The following STXBP5 variants were observed in gnomAD, a reference collection of about 807,000 sequenced individuals.
The protein encoded by STXBP5 is syntaxin-binding protein 5.
A neutral mutation model predicts 152.4 loss-of-function variants in STXBP5; 50 were observed. The observed-to-expected ratio is 0.33, with a 90% CI of 0.26 to 0.42. The LOEUF is 0.42. Among genes scored for constraint, STXBP5 ranks in the 10% least tolerant of loss-of-function variants. The pLI, the probability that STXBP5 is intolerant of heterozygous loss-of-function variation, is 1.00. For missense variants in STXBP5, 1,167 were observed against 1,388.6 expected (o/e 0.84, Z 2.54); for synonymous variants, 492 against 494.7 (o/e 0.99, Z 0.07).
chr6:147,359,353 A>C, intron 23 of STXBP5, 30 bp downstream of exon 23: 2 of 1,592,330 alleles, frequency 1.3e-6, no homozygotes. Context: ...TTAGAGTTAC[A>C]TTACAGGTGT....
At chr6:147,378,303 A>T (rs1785909374) in intron 26 of STXBP5, among the ~76,000 whole-genome samples, 1 of 152,028 alleles carries the variant, frequency 6.6e-6, no homozygotes, top group Non-Finnish European at 1.5e-5. Flanking sequence ...TCATTTATAG[A>T]TAGAAAATCT....
At chr6:147,316,674 C>T (rs775433036) in intron 16 of STXBP5, among the ~76,000 whole-genome samples, 1 of 152,134 alleles carries the variant, frequency 6.6e-6, no homozygotes, top group Admixed American at 6.5e-5. Flanking sequence ...CTGTATATAT[C>T]GCTCAGTCTT....
intron 26 of STXBP5, among the ~76,000 whole-genome samples, chr6:147,377,924 GA>G (rs999859639): frequency 4.0e-5 from 6 of 151,086 alleles, no homozygotes; most frequent in African/African-American, 1.2e-4. Context: ...ATTAGGAATG[GA>G]AAAAAAAGGA....
intron 11 of STXBP5, 22 bp from the exon 12 acceptor site, chr6:147,313,862 T>C (rs548212687): frequency 1.6e-4 from 238 of 1,447,396 alleles, no homozygotes; most frequent in Admixed American, 3.2e-4. Context: ...TAATAAATAC[T>C]TTTCTTTTTC....
intron 7 of STXBP5, among the ~76,000 whole-genome samples, chr6:147,274,172 G>A (rs1173102632): frequency 1.3e-5 from 2 of 151,742 alleles, no homozygotes; most frequent in African/African-American, 4.8e-5. Flanking sequence ...CTTTCCCAAA[G>A]GTAAAACAGT....
chr6:147,277,716 C>G (rs534926080), intron 7 of STXBP5, among the ~76,000 whole-genome samples: 1 of 152,178 alleles, frequency 6.6e-6, no homozygotes, highest in East Asian at 1.9e-4. Context: ...GTCATTGCAA[C>G]TAGTTTTTCT....
chr6:147,333,874 A>G (rs1191222323), intron 18 of STXBP5, among the ~76,000 whole-genome samples: 1 of 152,220 alleles, frequency 6.6e-6, no homozygotes, highest in Non-Finnish European at 1.5e-5. Context: ...AGGGGTTTTT[A>G]TAACGTCAAT....
intron 21 of STXBP5, among the ~76,000 whole-genome samples, chr6:147,343,875 G>C (rs1784200079): frequency 6.6e-6 from 1 of 152,108 alleles, no homozygotes; most frequent in Admixed American, 6.5e-5. Context: ...GTAGAATTTA[G>C]CTTTTATATT....
At chr6:147,217,638 T>G in intron 2 of STXBP5, among the ~76,000 whole-genome samples, 1 of 152,294 alleles carries the variant, frequency 6.6e-6, no homozygotes, top group African/African-American at 2.4e-5. Flanking sequence ...AATAAAAAAT[T>G]TCTTACTAAA....
intron 16 of STXBP5, among the ~76,000 whole-genome samples, chr6:147,324,295 A>G: frequency 1.1e-5 from 1 of 89,866 alleles, no homozygotes; most frequent in Non-Finnish European, 2.1e-5. Flanking sequence ...TTTTTGAGAC[A>G]GAGTTTCGCT....
intron 7 of STXBP5, among the ~76,000 whole-genome samples, chr6:147,274,269 C>T (rs1050639950): frequency 6.6e-6 from 1 of 152,044 alleles, no homozygotes; most frequent in Non-Finnish European, 1.5e-5. Context: ...TTCATTCATT[C>T]ATTCTTCTTT....
chr6:147,303,104 C>T (rs185988862), intron 9 of STXBP5, among the ~76,000 whole-genome samples: 179 of 152,134 alleles, frequency 1.2e-3, no homozygotes, highest in Middle Eastern at 3.4e-3. Context: ...TAAAATATAC[C>T]AATTTCATAA....
intron 2 of STXBP5, among the ~76,000 whole-genome samples, chr6:147,208,304 C>G (rs1287898491): frequency 6.6e-6 from 1 of 152,042 alleles, no homozygotes; most frequent in Non-Finnish European, 1.5e-5. Flanking sequence ...GTTTAAGTAG[C>G]AGATGAGCTT....
chr6:147,284,319 T>A (rs1409529618), intron 8 of STXBP5, among the ~76,000 whole-genome samples: 1 of 152,164 alleles, frequency 6.6e-6, no homozygotes, highest in Non-Finnish European at 1.5e-5. Context: ...CTGGCAAAAT[T>A]AAAACTTTAG....
chr6:147,280,534 C>T (rs1358449166), intron 8 of STXBP5, among the ~76,000 whole-genome samples: 1 of 152,180 alleles, frequency 6.6e-6, no homozygotes, highest in Non-Finnish European at 1.5e-5. Context: ...GGAAGTTCCA[C>T]AAGACTCTAT....
chr6:147,253,492 A>G (rs1329089234), intron 4 of STXBP5, among the ~76,000 whole-genome samples: 1 of 152,212 alleles, frequency 6.6e-6, no homozygotes, highest in Non-Finnish European at 1.5e-5. Flanking sequence ...AGGATATTCA[A>G]ACAGGAAGAC....
chr6:147,216,541 T>G (rs754547603), intron 2 of STXBP5, among the ~76,000 whole-genome samples: 23 of 152,212 alleles, frequency 1.5e-4, no homozygotes, highest in Non-Finnish European at 3.1e-4. Context: ...TTTTATCTAC[T>G]TTTTGAAAAT....
intron 8 of STXBP5, among the ~76,000 whole-genome samples, chr6:147,281,848 T>A (rs1302390327): frequency 2.0e-5 from 3 of 152,192 alleles, no homozygotes; most frequent in Non-Finnish European, 4.4e-5. Context: ...CCAGAAGAGT[T>A]GTAGTTAAGC....
intron 8 of STXBP5, among the ~76,000 whole-genome samples, chr6:147,289,646 A>G (rs1364350839): frequency 6.6e-6 from 1 of 152,134 alleles, no homozygotes; most frequent in Non-Finnish European, 1.5e-5. Flanking sequence ...ACAGCAAGCT[A>G]TTTTTTAAAA....
Sources: allele counts gnomAD v4.1 joint callset (sites outside exome capture counted in the v4.1 genomes callset), GRCh38; gene constraint gnomAD v4.1.1; transcripts MANE v1.5; gene names NCBI Gene and HGNC (gene_info 2026-07-23, HGNC 2026-07-21).